The following PRKG1 variants were observed in gnomAD, a reference collection of about 807,000 sequenced individuals.
The protein encoded by PRKG1 is protein kinase cGMP-dependent 1.
A neutral mutation model predicts 88.1 loss-of-function variants in PRKG1; 35 were observed. The observed-to-expected ratio is 0.40, with a 90% confidence interval of 0.30 to 0.53. The LOEUF (loss-of-function observed/expected upper bound fraction) is 0.53, where lower values mean the gene tolerates loss of function less well. Among genes scored for constraint, PRKG1 ranks in the 20% least tolerant of loss-of-function variants. The probability of loss-of-function intolerance (pLI) is 0.59; values close to 1 mark genes in which losing one functional copy is unlikely to be tolerated. For missense variants in PRKG1, 540 were observed against 839.8 expected (o/e 0.64, Z 4.41); for synonymous variants, 303 against 292.5 (o/e 1.04, Z -0.37).
chr10:52,020,091 G>GTTT (rs146390694), intron 5 of PRKG1, among the ~76,000 whole-genome samples: 4 of 151,480 alleles, frequency 2.6e-5, no homozygotes, highest in South Asian at 4.2e-4. Context: ...CAGTTTCTGA[G>GTTT]TTTTTTTAAT....
At chr10:51,533,173 C>A (rs576889944) in intron 3 of PRKG1, among the ~76,000 whole-genome samples, 3 of 152,282 alleles carry the variant, frequency 2.0e-5, no homozygotes, top group African/African-American at 7.2e-5. Context: ...TTAATCAGTA[C>A]AATTGAAACT....
intron 3 of PRKG1, among the ~76,000 whole-genome samples, chr10:51,771,243 T>C (rs941815313): frequency 2.0e-5 from 3 of 152,228 alleles, no homozygotes; most frequent in African/African-American, 7.2e-5. Flanking sequence ...ATTGTAATCT[T>C]ATGGGACCAC....
At chr10:51,380,400 A>G (rs1158737493) in intron 2 of PRKG1, among the ~76,000 whole-genome samples, 1 of 152,174 alleles carries the variant, frequency 6.6e-6, no homozygotes, top group Non-Finnish European at 1.5e-5. Flanking sequence ...CGTTAAGCAT[A>G]ATCTCCATGA....
chr10:51,272,816 A>G (rs892115434), intron 2 of PRKG1, among the ~76,000 whole-genome samples: 2 of 152,176 alleles, frequency 1.3e-5, no homozygotes, highest in African/African-American at 4.8e-5. Flanking sequence ...CTCCCTTTTA[A>G]TAAGGCTAGC....
At position 51,785,124 on chromosome 10, in the gene PRKG1, CT is replaced by C. The variant is rs539528854; in HGVS notation, c.593-19447del. ...AGAAATAGCTTCTTGATTTCTTCTT[CT>C]TTTTTTTTTTTTTAATAAATATCCT... On this transcript the variant is annotated intron_variant, in intron 3 of 17. Transcript: ENST00000373980. 5.1e-3 allele frequency among the ~76,000 whole-genome samples: 704 copies of C among 138,002 alleles called. 2 individuals carry two copies. The highest frequency in any genetic ancestry group is 0.026 in the Middle Eastern group (7 of 272). 90.5% of individuals were successfully genotyped at this position (138,002 alleles called of 152,430 possible).
intron 1 of PRKG1, among the ~76,000 whole-genome samples, chr10:51,021,906 C>T (rs981755485): frequency 6.6e-6 from 1 of 152,088 alleles, no homozygotes; most frequent in African/African-American, 2.4e-5. Context: ...GTCTCGAACT[C>T]CTGACCTCAG....
At chr10:51,995,412 T>C (rs1844415126) in intron 5 of PRKG1, among the ~76,000 whole-genome samples, 1 of 152,224 alleles carries the variant, frequency 6.6e-6, no homozygotes, top group Non-Finnish European at 1.5e-5. Flanking sequence ...AAGGTGAGAA[T>C]TATTCATTGT....
chr10:51,012,654 C>T (rs1843008206), intron 1 of PRKG1, among the ~76,000 whole-genome samples: 1 of 152,186 alleles, frequency 6.6e-6, no homozygotes, highest in African/African-American at 2.4e-5. Context: ...TACTTTGTGC[C>T]AGTCATCATT....
At position 52,161,903 on chromosome 10, in the gene PRKG1, T is replaced by C. The variant is rs775720873; in HGVS notation, c.1016T>C (p.Leu339Ser). Residue 339 changes from leucine to serine, a missense_variant, in exon 9 of 18, where the codon TTG becomes TCG. Around this residue, in one of 5 missense-constraint regions of PRKG1, gnomAD observed 400 missense variants for 562.7 expected, o/e 0.71. Coordinates refer to ENST00000373980, the MANE Select transcript of PRKG1 (RefSeq NM_006258.4). Reference protein sequence around the residue: ...LVIDRDSFKHLIGGLDDVSNK... With the variant: ...LVIDRDSFKHSIGGLDDVSNK... ...TCGTCTGACAGCTCTTTTAAACATTTGATTGGAGGGCTGGATGATGTTTCT... is the reference window on the plus strand; with the variant it reads ...TCGTCTGACAGCTCTTTTAAACATTCGATTGGAGGGCTGGATGATGTTTCT... 38 of 1,612,640 alleles carry C rather than the reference T, an allele frequency of 2.4e-5. No homozygotes were observed. Among genetic ancestry groups the C allele is most frequent in the Non-Finnish European group, 3.1e-5 (37 of 1,179,372 alleles).
chr10:51,997,675 ATGT>A (rs1018910719), intron 5 of PRKG1, among the ~76,000 whole-genome samples: 9 of 152,298 alleles, frequency 5.9e-5, no homozygotes, highest in Middle Eastern at 3.4e-3. Flanking sequence ...TCAAAATATA[ATGT>A]TGTACGCAAT....
intron 2 of PRKG1, among the ~76,000 whole-genome samples, chr10:51,339,680 A>C (rs1841960439): frequency 6.6e-6 from 1 of 151,930 alleles, no homozygotes; most frequent in East Asian, 1.9e-4. Flanking sequence ...GTTTTTAACT[A>C]TTTTCTCATG....
chr10:51,763,325 GGCCTGAAGTGATCCTCCCACCTCA>G (rs1208918290), intron 3 of PRKG1, among the ~76,000 whole-genome samples: 1 of 151,922 alleles, frequency 6.6e-6, no homozygotes, highest in Non-Finnish European at 1.5e-5. Flanking sequence ...TCCAAATCCT[GGCCTGAAGTGATCCTCCCACCTCA>G]GCCTCCCAAG....
intron 2 of PRKG1, among the ~76,000 whole-genome samples, chr10:51,244,411 A>G (rs996477477): frequency 7.3e-5 from 11 of 150,194 alleles, no homozygotes; most frequent in Non-Finnish European, 1.5e-4. Context: ...GGTCACCCTC[A>G]TGTCTAGGGG....
At chr10:51,704,230 TA>T (rs1841546827) in intron 3 of PRKG1, among the ~76,000 whole-genome samples, 1 of 136,578 alleles carries the variant, frequency 7.3e-6, no homozygotes, top group South Asian at 2.2e-4. Context: ...TGATAGATGA[TA>T]GATAGACAGA....
intron 3 of PRKG1, among the ~76,000 whole-genome samples, chr10:51,790,686 T>C (rs890262438): frequency 2.6e-5 from 4 of 152,188 alleles, no homozygotes; most frequent in African/African-American, 9.6e-5. Context: ...ATCACCTTTT[T>C]TCTAGACATC....
In PRKG1 at chr10:51,603,923, A is replaced by C. The variant is rs557359440; in HGVS notation, c.592+136087A>C. ...ATCTTCAATTACTAGCAAGGCTGTC[A>C]CGCTGGGATGGTGCAGTGGAAAGAA... is the stretch of plus-strand genomic sequence containing the variant. On this transcript the variant is annotated intron_variant, in intron 3 of 17. Transcript: ENST00000373980. 2.9e-4 allele frequency among the ~76,000 whole-genome samples: 44 copies of C among 152,300 alleles called. No homozygotes were observed. The South Asian group carries it at 8.7e-3, about 30-fold the overall frequency.
At chr10:51,327,432 A>T (rs1439108133) in intron 2 of PRKG1, among the ~76,000 whole-genome samples, 2 of 151,724 alleles carry the variant, frequency 1.3e-5, no homozygotes, top group East Asian at 3.8e-4. Flanking sequence ...AAAAAAAAAA[A>T]GTAAACTAAA....
At chr10:51,406,066 G>T (rs984571904) in intron 2 of PRKG1, among the ~76,000 whole-genome samples, 1 of 152,086 alleles carries the variant, frequency 6.6e-6, no homozygotes, top group African/African-American at 2.4e-5. Context: ...TCCTCTCTCT[G>T]CAGCGATCCT....
intron 5 of PRKG1, among the ~76,000 whole-genome samples, chr10:51,954,045 G>A (rs1843246429): frequency 6.6e-6 from 1 of 152,080 alleles, no homozygotes; most frequent in Admixed American, 6.6e-5. Context: ...GTTACAACCA[G>A]ACCTATTTTT....
Sources: allele counts gnomAD v4.1 joint callset (sites outside exome capture counted in the v4.1 genomes callset), GRCh38; gene constraint gnomAD v4.1.1; regional missense constraint gnomAD v4.1.1; transcripts MANE v1.5; gene names NCBI Gene and HGNC (gene_info 2026-07-23, HGNC 2026-07-21).